The following CASQ2 variants were observed in gnomAD, a reference collection of about 807,000 sequenced individuals.
CASQ2 encodes calsequestrin 2.
Under a neutral mutation model 46.5 loss-of-function variants are expected in CASQ2, and 49 were observed. The ratio of observed to expected loss-of-function variants is 1.05; its 90% confidence interval spans 0.84 to 1.34. CASQ2 has a LOEUF of 1.34. Ranked by LOEUF, CASQ2 falls within the 40% of genes most tolerant of loss-of-function variation. The pLI is 0.00. For synonymous variants in CASQ2, 174 were observed against 168.5 expected (o/e 1.03, Z -0.25); for missense variants, 486 against 481.3 (o/e 1.01, Z -0.09).
chr1:115,749,977 T>A (rs577234215), intron 1 of CASQ2, among the ~76,000 whole-genome samples: 1 of 152,340 alleles, frequency 6.6e-6, no homozygotes, highest in Non-Finnish European at 1.5e-5. Flanking sequence ...TATTGTGTAA[T>A]CATTAGAGTT....
chr1:115,701,461 T>A (rs569364415), intron 10 of CASQ2, 35 bp from the exon 11 acceptor site: 1 of 1,393,684 alleles, frequency 7.2e-7, no homozygotes, highest in South Asian at 1.2e-5. Flanking sequence ...AGTGGGTAAA[T>A]GCATGAGGGC....
intron 8 of CASQ2, among the ~76,000 whole-genome samples, chr1:115,714,042 C>A (rs554095702): frequency 1.5e-4 from 23 of 152,286 alleles, no homozygotes; most frequent in African/African-American, 5.5e-4. Flanking sequence ...GTATATGCCA[C>A]TCAGAGTTGC....
intron 6 of CASQ2, among the ~76,000 whole-genome samples, chr1:115,726,347 A>C (rs921076213): frequency 6.6e-6 from 1 of 152,238 alleles, no homozygotes; most frequent in Non-Finnish European, 1.5e-5. Context: ...TTACTGGTAC[A>C]CAGCCACACC....
At chr1:115,750,314 G>C (rs1469206407) in intron 1 of CASQ2, among the ~76,000 whole-genome samples, 1 of 152,176 alleles carries the variant, frequency 6.6e-6, no homozygotes, top group Non-Finnish European at 1.5e-5. Flanking sequence ...TGCTGGTTTT[G>C]TTTGTTTGGT....
rs1210427965 is a variant in CASQ2 at position 115,726,472 on chromosome 1, G to GC, written c.737+519_737+520insG. Reference sequence around the variant, plus strand: ...AATATTTACCATTTTGTTCTTTACAGAAAAAGTTTGCTGATCCATGCTGGA... The same window carrying GC: ...AATATTTACCATTTTGTTCTTTACAGCAAAAAGTTTGCTGATCCATGCTGGA... On this transcript the variant is annotated intron_variant, in intron 6 of 10. Transcript: ENST00000261448. Among the ~76,000 whole-genome samples the GC allele has an allele frequency of 1.2e-4, 19 of 152,182 alleles. No homozygotes were observed. The East Asian group carries it at 3.7e-3, about 29-fold the overall frequency.
chr1:115,766,026 C>A (rs1298415278), intron 1 of CASQ2, among the ~76,000 whole-genome samples: 1 of 152,224 alleles, frequency 6.6e-6, no homozygotes, highest in Non-Finnish European at 1.5e-5. Context: ...TGACAAGTAT[C>A]TCAACAAAGG....
At chr1:115,702,198 A>G (rs557985885) in intron 10 of CASQ2, among the ~76,000 whole-genome samples, 1 of 152,300 alleles carries the variant, frequency 6.6e-6, no homozygotes, top group Non-Finnish European at 1.5e-5. Context: ...CTGGGATTAC[A>G]GGCATGAGCC....
chr1:115,702,155 C>T (rs188187239), intron 10 of CASQ2, among the ~76,000 whole-genome samples: 1 of 152,072 alleles, frequency 6.6e-6, no homozygotes, highest in Non-Finnish European at 1.5e-5. Context: ...CTCCTGACCT[C>T]AGGTGATCCA....
intron 8 of CASQ2, among the ~76,000 whole-genome samples, chr1:115,710,480 C>T (rs933571664): frequency 3.3e-5 from 5 of 152,192 alleles, no homozygotes; most frequent in African/African-American, 1.2e-4. Flanking sequence ...TTGCTGCCAT[C>T]TTCCTTCCTC....
intron 8 of CASQ2, among the ~76,000 whole-genome samples, chr1:115,713,428 C>T (rs1654608160): frequency 2.0e-5 from 3 of 152,198 alleles, no homozygotes; most frequent in South Asian, 4.2e-4. Flanking sequence ...CGATTAGGCT[C>T]GAGGGCCAGG....
intron 8 of CASQ2, among the ~76,000 whole-genome samples, chr1:115,707,220 G>T (rs562756138): frequency 6.6e-6 from 1 of 151,982 alleles, no homozygotes; most frequent in South Asian, 2.1e-4. Context: ...GTGCAGACAG[G>T]GGTCTCACAT....
intron 1 of CASQ2, among the ~76,000 whole-genome samples, chr1:115,750,010 C>T: frequency 6.6e-6 from 1 of 152,202 alleles, no homozygotes; most frequent in South Asian, 2.1e-4. Flanking sequence ...TACATTGTGA[C>T]TCTTTCCTCC....
Position 115,741,703 on chromosome 1 carries a change from T to A in CASQ2, c.320-875A>T, listed in dbSNP as rs1557798480. On this transcript the variant is annotated intron_variant, in intron 2 of 10. Coordinates refer to ENST00000261448, the MANE Select transcript of CASQ2 (RefSeq NM_001232.4). Reference sequence around the variant, plus strand: ...ATGCTGCAAGGACAGGCTCAGCGTCTTCTTATTTTGCTGCCCTTTAGCACC... The same window carrying A: ...ATGCTGCAAGGACAGGCTCAGCGTCATCTTATTTTGCTGCCCTTTAGCACC... Among the ~76,000 whole-genome samples the A allele has an allele frequency of 2.6e-5, 4 of 152,250 alleles. No individual in the cohort carries two copies. In the South Asian group the frequency reaches 8.3e-4, roughly 31 times the overall value.
At chr1:115,749,199 T>C (rs772993569) in intron 1 of CASQ2, among the ~76,000 whole-genome samples, 32 of 152,166 alleles carry the variant, frequency 2.1e-4, no homozygotes, top group Non-Finnish European at 3.7e-4. Context: ...TGACATAAAA[T>C]AAGAAGTTAA....
chr1:115,745,487 C>A (rs948302961), intron 1 of CASQ2, among the ~76,000 whole-genome samples: 2 of 152,098 alleles, frequency 1.3e-5, no homozygotes, highest in African/African-American at 2.4e-5. Flanking sequence ...AGGGGTTCGG[C>A]TCCAAAGGCC....
intron 1 of CASQ2, among the ~76,000 whole-genome samples, chr1:115,749,189 T>C (rs1024602163): frequency 6.6e-6 from 1 of 152,138 alleles, no homozygotes; most frequent in African/African-American, 2.4e-5. Context: ...GAATAACCAA[T>C]GACATAAAAT....
chr1:115,719,127 A>G (rs1557789969), intron 7 of CASQ2, among the ~76,000 whole-genome samples: 1 of 152,254 alleles, frequency 6.6e-6, no homozygotes, highest in Non-Finnish European at 1.5e-5. Context: ...TGGAATGGAC[A>G]AAGCCTCCAC....
At chr1:115,727,529 T>C (rs1456810881) in intron 5 of CASQ2, among the ~76,000 whole-genome samples, 2 of 152,210 alleles carry the variant, frequency 1.3e-5, no homozygotes, top group Non-Finnish European at 2.9e-5. Flanking sequence ...AAACAGGCAA[T>C]TGATGGAGAT....
At chr1:115,702,793 C>T in intron 10 of CASQ2, 128 bp downstream of exon 10, 1 of 762,778 alleles carries the variant, frequency 1.3e-6, no homozygotes, top group Non-Finnish European at 2.3e-6. Flanking sequence ...GGCAAGTTTC[C>T]TTGAGCAGGA....
Sources: gnomAD v4.1 joint callset for allele counts (sites outside exome capture counted in the v4.1 genomes callset) on GRCh38, gnomAD v4.1.1 for gene constraint, MANE v1.5 for transcripts, NCBI Gene and HGNC (gene_info 2026-07-23, HGNC 2026-07-21) for gene names.